ZBBX: variants seen among roughly 807,000 people sequenced by gnomAD.
ZBBX encodes the protein zinc finger B-box domain-containing protein 1.
Under a neutral mutation model 108.5 loss-of-function variants are expected in ZBBX, and 101 were observed. That is an observed-to-expected ratio of 0.93 (90% CI 0.79 to 1.10). The LOEUF (loss-of-function observed/expected upper bound fraction) is 1.10, where lower values mean the gene tolerates loss of function less well. ZBBX is among the 50% of genes least tolerant of loss of function. ZBBX has a pLI of 0.00. For missense variants in ZBBX, 1,009 were observed against 941.4 expected (o/e 1.07, Z -0.94); for synonymous variants, 356 against 323.4 (o/e 1.10, Z -1.08).
At chr3:167,331,665 G>A (rs1280666112) in intron 10 of ZBBX, 6 of 976,574 alleles carry the variant, frequency 6.1e-6, no homozygotes, top group Non-Finnish European at 7.3e-6. Context: ...CGTCCACTCA[G>A]AGTCCAATAT....
intron 1 of ZBBX, among the ~76,000 whole-genome samples, chr3:167,395,287 G>A (rs909165846): frequency 2.6e-5 from 4 of 151,950 alleles, no homozygotes; most frequent in Non-Finnish European, 5.9e-5. Flanking sequence ...AATATCACAT[G>A]CTTTAATTTT....
At chr3:167,303,910 TACTA>T in intron 17 of ZBBX, among the ~76,000 whole-genome samples, 1 of 152,350 alleles carries the variant, frequency 6.6e-6, no homozygotes, top group Non-Finnish European at 1.5e-5. Flanking sequence ...TCTGTCATAT[TACTA>T]ACTCTTCATA....
chr3:167,335,492 C>T (rs951937467), intron 9 of ZBBX, among the ~76,000 whole-genome samples: 2 of 151,926 alleles, frequency 1.3e-5, no homozygotes, highest in Non-Finnish European at 2.9e-5. Context: ...GTCAGATGCT[C>T]TGTGAGAACT....
intron 18 of ZBBX, among the ~76,000 whole-genome samples, chr3:167,290,134 T>G (rs1361995746): frequency 1.3e-5 from 2 of 152,142 alleles, no homozygotes; most frequent in African/African-American, 4.8e-5. Flanking sequence ...GGGGCGGTTG[T>G]AGGTGCAGCT....
At chr3:167,398,157 A>G (rs1748309768) in intron 1 of ZBBX, among the ~76,000 whole-genome samples, 1 of 152,060 alleles carries the variant, frequency 6.6e-6, no homozygotes, top group Non-Finnish European at 1.5e-5. Flanking sequence ...ATGAATCTCT[A>G]CAATGGAAAA....
Position 167,365,913 on chromosome 3 carries a change from C to A in ZBBX, c.246G>T (p.Met82Ile). Residue 82 changes from methionine (M) to isoleucine (I), a missense_variant, in exon 6 of 22, where the codon ATG becomes ATT. Coordinates refer to ENST00000675490, the MANE Select transcript of ZBBX (RefSeq NM_001199201.2). ...TAACAACATTTCCTTTATTTTGTGACATCATATATGATTGATTGACCAATT... is the reference window on the plus strand; with the variant it reads ...TAACAACATTTCCTTTATTTTGTGAAATCATATATGATTGATTGACCAATT... ...VGKLVNQSYM[M>I]SQNKGNVVKF... is the part of the protein sequence containing the mutation. 6.2e-7 allele frequency: 1 copy of A among 1,608,800 alleles called. No homozygotes were observed. Among genetic ancestry groups the A allele is most frequent in the Non-Finnish European group, 8.5e-7 (1 of 1,176,456 alleles).
chr3:167,204,690 C>T, the ZBBX span, among the ~76,000 whole-genome samples: 5 of 150,132 alleles, frequency 3.3e-5, no homozygotes, highest in Admixed American at 6.7e-5. Context: ...TGAATAGTGC[C>T]GCAATAAACA....
Position 167,239,947 on chromosome 3 carries a change from G to A in ZBBX, c.*846C>T, listed in dbSNP as rs1172616122. ...GAAGCAAACACATTCTTCTTCAAGTGGAGCAGCAAAGAGAAGTCCTGAGCA... is the reference window on the plus strand; with the variant it reads ...GAAGCAAACACATTCTTCTTCAAGTAGAGCAGCAAAGAGAAGTCCTGAGCA... On this transcript the variant is annotated 3_prime_UTR_variant, in exon 22 of 22. Coordinates refer to ENST00000675490, the MANE Select transcript of ZBBX (RefSeq NM_001199201.2). Among the ~76,000 whole-genome samples the A allele has an allele frequency of 6.6e-6, 1 of 152,074 alleles. No homozygotes were observed. Among genetic ancestry groups the A allele is most frequent in the African/African-American group, 2.4e-5 (1 of 41,406 alleles).
intron 19 of ZBBX, 73 bp from the exon 20 acceptor site, chr3:167,282,568 C>G: frequency 7.8e-7 from 1 of 1,279,708 alleles, no homozygotes; most frequent in Non-Finnish European, 1.1e-6. Flanking sequence ...TACAAAATAC[C>G]AGGTCCCTGC....
At chr3:167,256,908 A>G (rs1314491324) in intron 20 of ZBBX, among the ~76,000 whole-genome samples, 4 of 152,068 alleles carry the variant, frequency 2.6e-5, no homozygotes, top group African/African-American at 9.7e-5. Context: ...AATCTTAGCT[A>G]TTGTAAACAG....
chr3:167,307,305 T>C (rs1266255217), intron 16 of ZBBX, among the ~76,000 whole-genome samples: 2 of 152,100 alleles, frequency 1.3e-5, no homozygotes, highest in East Asian at 1.9e-4. Context: ...ATAAAGGGCA[T>C]CCAAATAGTA....
intron 2 of ZBBX, among the ~76,000 whole-genome samples, chr3:167,375,500 G>A (rs973527629): frequency 2.6e-5 from 4 of 151,956 alleles, no homozygotes; most frequent in East Asian, 1.9e-4. Flanking sequence ...GCTGAGGCAC[G>A]AGAATCGCTT....
chr3:167,334,030 C>A, intron 9 of ZBBX, 45 bp from the exon 10 acceptor site: 2 of 1,310,668 alleles, frequency 1.5e-6, no homozygotes, highest in South Asian at 1.8e-5. Flanking sequence ...CATATGTTAA[C>A]CTAAATAATT....
intron 9 of ZBBX, among the ~76,000 whole-genome samples, chr3:167,340,193 A>G (rs1740303187): frequency 6.6e-6 from 1 of 152,114 alleles, no homozygotes. Flanking sequence ...TCTAAAATTG[A>G]TAATAACAAA....
intron 19 of ZBBX, among the ~76,000 whole-genome samples, chr3:167,285,897 T>C (rs1729606167): frequency 6.6e-6 from 1 of 152,122 alleles, no homozygotes; most frequent in Admixed American, 6.6e-5. Flanking sequence ...TTACTGAAGA[T>C]ACCCCAATGA....
chr3:167,280,835 C>T (rs888214406), intron 20 of ZBBX, among the ~76,000 whole-genome samples: 77 of 152,162 alleles, frequency 5.1e-4, no homozygotes, highest in Admixed American at 4.1e-3. Context: ...TTCACAATAG[C>T]AAAGACTTGG....
At chr3:167,178,547 C>A in the ZBBX span, among the ~76,000 whole-genome samples, 1 of 152,132 alleles carries the variant, frequency 6.6e-6, no homozygotes, top group African/African-American at 2.4e-5. Flanking sequence ...GACATGGCTG[C>A]AACTGGGGGA....
intron 8 of ZBBX, 115 bp from the exon 9 acceptor site, chr3:167,350,630 A>G (rs1208748090): frequency 4.7e-6 from 3 of 641,840 alleles, no homozygotes; most frequent in Non-Finnish European, 7.2e-6. Context: ...TTAAATACCT[A>G]TATCATCAGA....
At chr3:167,262,115 C>T (rs1239808758) in intron 20 of ZBBX, among the ~76,000 whole-genome samples, 1 of 152,182 alleles carries the variant, frequency 6.6e-6, no homozygotes, top group Non-Finnish European at 1.5e-5. Flanking sequence ...AACAGAACTT[C>T]AGCTTTCAGC....
Sources: allele counts gnomAD v4.1 joint callset (sites outside exome capture counted in the v4.1 genomes callset), GRCh38; gene constraint gnomAD v4.1.1; transcripts MANE v1.5; gene names NCBI Gene and HGNC (gene_info 2026-07-23, HGNC 2026-07-21).